PDE4D: variants seen among roughly 807,000 people sequenced by gnomAD.
PDE4D encodes the protein 3',5'-cyclic-AMP phosphodiesterase 4D.
Under a neutral mutation model 87.4 loss-of-function variants are expected in PDE4D, and 24 were observed. That is an observed-to-expected ratio of 0.27 (90% CI 0.20 to 0.39). The LOEUF (loss-of-function observed/expected upper bound fraction) is 0.39. Among genes scored for constraint, PDE4D ranks in the 10% least tolerant of loss-of-function variants. The pLI, the probability that PDE4D is intolerant of heterozygous loss-of-function variation, is 1.00. For missense variants in PDE4D, 714 were observed against 1,041.0 expected (o/e 0.69, Z 4.32); for synonymous variants, 384 against 383.2 (o/e 1.00, Z -0.02).
chr5:59,527,034 A>T (rs1247378310), intron 1 of PDE4D, among the ~76,000 whole-genome samples: 1 of 152,188 alleles, frequency 6.6e-6, no homozygotes, highest in African/African-American at 2.4e-5. Flanking sequence ...GGGAAATTTT[A>T]AAATTTTTTT....
At chr5:60,480,210 C>T (rs1748623449) in intron 1 of PDE4D, among the ~76,000 whole-genome samples, 1 of 152,046 alleles carries the variant, frequency 6.6e-6, no homozygotes, top group South Asian at 2.1e-4. Flanking sequence ...TGTAAAGACC[C>T]ATGAAAACTG....
chr5:60,481,771 T>C (rs544989721), intron 1 of PDE4D, among the ~76,000 whole-genome samples: 1 of 152,310 alleles, frequency 6.6e-6, no homozygotes, highest in African/African-American at 2.4e-5. Context: ...CTATAAGACA[T>C]AAGTATTAAA....
chr5:59,586,972 C>T lies in PDE4D; in HGVS notation c.455+306196G>A, dbSNP rs1044801091. ...AAGGCCTGGGCAGAGGGGCTAGAAACCATGTATCACCAAAGCCAACTTCTT... is the reference window on the plus strand; with the variant it reads ...AAGGCCTGGGCAGAGGGGCTAGAAATCATGTATCACCAAAGCCAACTTCTT... On this transcript the variant is annotated intron_variant, in intron 1 of 14. Coordinates refer to ENST00000340635, the MANE Select transcript of PDE4D (RefSeq NM_001104631.2). The T allele has an allele frequency of 1.6e-5, 16 of 985,286 alleles. No individual in the cohort carries two copies. In the African/African-American group the frequency reaches 2.8e-4, roughly 17 times the overall value. 61.0% of individuals were successfully genotyped at this position (985,286 alleles called of 1,614,324 possible). A position where few individuals can be genotyped will look rare whatever the true frequency, so the allele number is the denominator to read the frequency against.
In PDE4D at chr5:59,240,779, A is replaced by AACAC. The variant is rs747637745; in HGVS notation, c.456-24815_456-24812dup. On this transcript the variant is annotated intron_variant, in intron 1 of 14. Coordinates refer to ENST00000340635, the MANE Select transcript of PDE4D (RefSeq NM_001104631.2). ...ATGTGAGTCTTCGGAAAAATTCACA[A>AACAC]ACACACACACACACACACACACACA... 4.5e-3 allele frequency among the ~76,000 whole-genome samples: 351 copies of AACAC among 78,116 alleles called. 4 individuals are homozygous for AACAC. The highest frequency in any genetic ancestry group is 0.017 in the African/African-American group (301 of 17,894). 51.2% of individuals were successfully genotyped at this position (78,116 alleles called of 152,430 possible).
chr5:59,866,332 T>C (rs925976080), intron 1 of PDE4D, among the ~76,000 whole-genome samples: 2 of 152,198 alleles, frequency 1.3e-5, no homozygotes, highest in Non-Finnish European at 2.9e-5. Context: ...AACCAGAAGA[T>C]CACATTCTAG....
At chr5:59,490,146 ATTTTC>A (rs1057353787) in intron 1 of PDE4D, among the ~76,000 whole-genome samples, 62 of 152,224 alleles carry the variant, frequency 4.1e-4, no homozygotes, top group African/African-American at 1.4e-3. Flanking sequence ...TTACAAACTG[ATTTTC>A]TTTTTCTTTC....
chr5:60,236,472 C>G (rs1402234548), intron 1 of PDE4D, among the ~76,000 whole-genome samples: 1 of 151,746 alleles, frequency 6.6e-6, no homozygotes, highest in Non-Finnish European at 1.5e-5. Context: ...ATATGGATGG[C>G]AAATAAGCAC....
chr5:60,429,863 C>G, intron 1 of PDE4D: 1 of 238,642 alleles, frequency 4.2e-6, no homozygotes. Context: ...TTTTTTTAAA[C>G]AATTTTATAA....
intron 3 of PDE4D, among the ~76,000 whole-genome samples, chr5:59,957,549 G>A (rs982523583): frequency 1.3e-5 from 2 of 151,890 alleles, no homozygotes; most frequent in African/African-American, 4.8e-5. Context: ...AATGGGAGTG[G>A]CTGTTGGTAG....
intron 5 of PDE4D, among the ~76,000 whole-genome samples, chr5:59,141,281 C>A (rs1222539001): frequency 6.6e-6 from 1 of 152,198 alleles, no homozygotes; most frequent in Non-Finnish European, 1.5e-5. Flanking sequence ...AACCTACTTG[C>A]CCAAATTAGT....
chr5:59,450,697 T>C (rs953548357), intron 1 of PDE4D, among the ~76,000 whole-genome samples: 3 of 152,150 alleles, frequency 2.0e-5, no homozygotes, highest in African/African-American at 7.2e-5. Flanking sequence ...GAGAAAATAG[T>C]AACCATCAAA....
At chr5:59,126,371 A>G (rs1471046480) in intron 5 of PDE4D, among the ~76,000 whole-genome samples, 3 of 152,208 alleles carry the variant, frequency 2.0e-5, no homozygotes, top group Non-Finnish European at 1.5e-5. Context: ...ACGGGTTAAG[A>G]GTATATAGTA....
chr5:60,408,793 T>G (rs1314459191), intron 1 of PDE4D, among the ~76,000 whole-genome samples: 2 of 152,206 alleles, frequency 1.3e-5, no homozygotes, highest in African/African-American at 2.4e-5. Context: ...GGGAGAGAGA[T>G]ATTCTCGCCA....
At chr5:59,256,340 T>C (rs538382929) in intron 1 of PDE4D, among the ~76,000 whole-genome samples, 1 of 152,178 alleles carries the variant, frequency 6.6e-6, no homozygotes, top group African/African-American at 2.4e-5. Context: ...GCTCTGGAAG[T>C]TGAGAAAGAG....
chr5:59,407,404 C>T (rs1031938355), intron 1 of PDE4D, among the ~76,000 whole-genome samples: 1 of 152,118 alleles, frequency 6.6e-6, no homozygotes, highest in Non-Finnish European at 1.5e-5. Flanking sequence ...TCATAAATTA[C>T]CCAGTCTCAG....
intron 2 of PDE4D, among the ~76,000 whole-genome samples, chr5:60,104,738 T>C (rs1347413835): frequency 1.3e-5 from 2 of 152,296 alleles, no homozygotes; most frequent in South Asian, 2.1e-4. Flanking sequence ...CCGCTACTGA[T>C]ACCCAGGCAA....
chr5:59,988,050 C>T (rs114196647), intron 3 of PDE4D: 1,633 of 154,458 alleles, frequency 0.011, 39 homozygotes, highest in African/African-American at 0.037. Flanking sequence ...AATACCATTG[C>T]ATATTTCTTT....
intron 1 of PDE4D, among the ~76,000 whole-genome samples, chr5:59,576,796 A>C (rs1823235970): frequency 6.6e-6 from 1 of 152,156 alleles, no homozygotes; most frequent in Non-Finnish European, 1.5e-5. Flanking sequence ...TCTCTCAAAA[A>C]TCAAATCTGG....
intron 1 of PDE4D, among the ~76,000 whole-genome samples, chr5:59,470,532 C>T (rs980822165): frequency 6.6e-6 from 1 of 152,132 alleles, no homozygotes; most frequent in African/African-American, 2.4e-5. Flanking sequence ...TTGAATATTA[C>T]AGAGTATATA....
Sources: gnomAD v4.1 joint callset for allele counts (sites outside exome capture counted in the v4.1 genomes callset) on GRCh38, gnomAD v4.1.1 for gene constraint, MANE v1.5 for transcripts, NCBI Gene and HGNC (gene_info 2026-07-23, HGNC 2026-07-21) for gene names.